Variants in SMC6 observed in about 807,000 individuals in gnomAD.
SMC6 encodes the protein structural maintenance of chromosomes protein 6.
Under a neutral mutation model 142.2 loss-of-function variants are expected in SMC6, and 79 were observed. The observed-to-expected ratio is 0.56, with a 90% CI of 0.46 to 0.67. SMC6 has a LOEUF of 0.67. Among genes scored for constraint, SMC6 ranks in the 30% least tolerant of loss-of-function variants. SMC6 has a pLI of 0.00. For synonymous variants in SMC6, 411 were observed against 412.4 expected (o/e 1.00, Z 0.04); for missense variants, 1,072 against 1,284.0 (o/e 0.83, Z 2.52).
chr2:17,687,131 G>A (rs1667491977), intron 23 of SMC6, among the ~76,000 whole-genome samples: 1 of 152,160 alleles, frequency 6.6e-6, no homozygotes, highest in South Asian at 2.1e-4. Context: ...ACCCTATAGA[G>A]AAGGTTTGAA....
intron 16 of SMC6, among the ~76,000 whole-genome samples, chr2:17,710,194 C>T (rs930700977): frequency 6.6e-6 from 1 of 152,168 alleles, no homozygotes; most frequent in African/African-American, 2.4e-5. Context: ...AGAGTCACCA[C>T]ACAAGTGGTC....
intron 20 of SMC6, among the ~76,000 whole-genome samples, chr2:17,700,771 C>T (rs994504553): frequency 1.3e-5 from 2 of 152,022 alleles, no homozygotes; most frequent in South Asian, 2.1e-4. Flanking sequence ...GTGGCTCATG[C>T]GTGTAATCCC....
intron 3 of SMC6, among the ~76,000 whole-genome samples, chr2:17,742,309 A>G (rs1261270258): frequency 1.3e-5 from 2 of 152,220 alleles, no homozygotes; most frequent in Non-Finnish European, 2.9e-5. Flanking sequence ...AGAGCAGAGT[A>G]CATGTTCTTA....
intron 23 of SMC6, among the ~76,000 whole-genome samples, chr2:17,687,085 C>A (rs1350189733): frequency 6.6e-6 from 1 of 152,150 alleles, no homozygotes; most frequent in Non-Finnish European, 1.5e-5. Context: ...AATACTCAAC[C>A]TGTACAATGT....
intron 16 of SMC6, among the ~76,000 whole-genome samples, chr2:17,710,247 G>C (rs1328010998): frequency 6.6e-6 from 1 of 152,166 alleles, no homozygotes. Flanking sequence ...TAGGATGTGG[G>C]GTAGCAGAAA....
In SMC6 at chr2:17,664,055, A is replaced by C. The variant is rs1666389269; in HGVS notation, c.*1444T>G. The C allele has an allele frequency of 6.6e-6, 1 of 152,350 alleles. No individual in the cohort carries two copies. Among genetic ancestry groups the C allele is most frequent in the East Asian group, 1.9e-4 (1 of 5,192 alleles). The allele number at this position is 152,350 out of a possible 1,614,324, so 9.4% of individuals were successfully genotyped here. On this transcript the variant is annotated 3_prime_UTR_variant, in exon 28 of 28. Coordinates refer to ENST00000448223, the MANE Select transcript of SMC6 (RefSeq NM_001142286.2). ...TTCTGTATGAAAGAGCACAACATTC[A>C]AAACTACAACAAAATTCAGACATGA...
At chr2:17,753,098 TA>T in intron 1 of SMC6, 34 bp from the exon 2 acceptor site, 1 of 828,034 alleles carries the variant, frequency 1.2e-6, no homozygotes, top group East Asian at 1.2e-4. Context: ...ATGCCATCAG[TA>T]AACCTTTGAA....
chr2:17,710,257 A>G (rs572391970), intron 16 of SMC6, among the ~76,000 whole-genome samples: 23 of 152,344 alleles, frequency 1.5e-4, no homozygotes, highest in African/African-American at 5.3e-4. Context: ...GGTAGCAGAA[A>G]GGAGTCAAGA....
chr2:17,710,272 C>A (rs1174843842), intron 16 of SMC6, among the ~76,000 whole-genome samples: 1 of 152,150 alleles, frequency 6.6e-6, no homozygotes, highest in East Asian at 1.9e-4. Flanking sequence ...TCAAGAATGA[C>A]TCTGCAATAG....
chr2:17,714,556 T>C (rs1382879009), intron 16 of SMC6, among the ~76,000 whole-genome samples: 1 of 152,220 alleles, frequency 6.6e-6, no homozygotes, highest in Non-Finnish European at 1.5e-5. Context: ...TGGGTGCCAA[T>C]GTTCTTCCTC....
At chr2:17,671,470 A>T (rs11896452) in intron 25 of SMC6, among the ~76,000 whole-genome samples, 12,961 of 151,474 alleles carry the variant, frequency 0.086, 589 homozygotes, top group Middle Eastern at 0.13. Flanking sequence ...CTAGCTGGCC[A>T]TGGTGGCATA....
rs577514107 is a variant in SMC6 at position 17,693,539 on chromosome 2, C to T, written c.2678+1613G>A. Among the ~76,000 whole-genome samples, 22 of 151,836 alleles carry T rather than the reference C, an allele frequency of 1.4e-4. No individual in the cohort carries two copies. The South Asian group carries it at 1.7e-3, about 12-fold the overall frequency. ...GAAGGGGAACATCACACACCGGGGC[C>T]GGCTGTGTGGTGGGGGGAGGGACAG... On this transcript the variant is annotated intron_variant, in intron 23 of 27. Coordinates refer to ENST00000448223, the MANE Select transcript of SMC6 (RefSeq NM_001142286.2).
Position 17,708,820 on chromosome 2 carries a change from T to TTG in SMC6, c.1731-69_1731-68dup, listed in dbSNP as rs201445483. On this transcript the variant is annotated intron_variant, in intron 16 of 27. Coordinates refer to ENST00000448223, the MANE Select transcript of SMC6 (RefSeq NM_001142286.2). ...AATTATAAATATATACATATGAAAA[T>TTG]TGTGTATATATATATAAGAGTATAT... The TTG allele has an allele frequency of 4.2e-5, 18 of 432,816 alleles. No homozygotes were observed. The African/African-American group carries it at 6.7e-4, about 16-fold the overall frequency. The allele number at this position is 432,816 out of a possible 1,614,324, so 26.8% of individuals were successfully genotyped here.
chr2:17,718,435 T>A (rs1309415961), intron 11 of SMC6, among the ~76,000 whole-genome samples: 1 of 152,194 alleles, frequency 6.6e-6, no homozygotes, highest in Non-Finnish European at 1.5e-5. Flanking sequence ...CCTCTTGGGA[T>A]ACAAAGACAT....
intron 23 of SMC6, among the ~76,000 whole-genome samples, chr2:17,685,433 C>T (rs1376421554): frequency 1.3e-5 from 2 of 152,070 alleles, no homozygotes; most frequent in Non-Finnish European, 2.9e-5. Flanking sequence ...TTAGGTGAAA[C>T]TATCCTTCAA....
In SMC6 at chr2:17,741,779, A is replaced by G. The variant is rs201564016; in HGVS notation, c.121-50T>C. ...AAATGGTCAATCTAATTCACTCATT[A>G]TAACCATTCAAGCATTGTTGGCATC... On this transcript the variant is annotated intron_variant, in intron 3 of 27. Transcript: ENST00000448223. 5.1e-5 allele frequency: 63 copies of G among 1,233,676 alleles called. No individual in the cohort carries two copies. The African/African-American group carries it at 7.4e-4, about 14-fold the overall frequency. 76.4% of individuals were successfully genotyped at this position (1,233,676 alleles called of 1,614,324 possible).
rs1667331592 is a variant in SMC6, at chr2:17,683,772, TA to T, written c.2679-10del. On this transcript the variant is annotated splice_polypyrimidine_tract_variant and intron_variant, in intron 23 of 27. Coordinates refer to ENST00000448223, the MANE Select transcript of SMC6 (RefSeq NM_001142286.2). ...TTGCTTCTTGGTACTGCCTATTATA[TA>T]AACAAAATATTACGTAAAAAATACA... 6.2e-7 allele frequency: 1 copy of T among 1,602,946 alleles called. No individual in the cohort carries two copies. The highest frequency in any genetic ancestry group is 8.5e-7 in the Non-Finnish European group (1 of 1,173,934).
chr2:17,690,617 A>G (rs1667658460), intron 23 of SMC6, among the ~76,000 whole-genome samples: 1 of 152,016 alleles, frequency 6.6e-6, no homozygotes, highest in Admixed American at 6.6e-5. Context: ...AAAAACCAAA[A>G]AAACAAAAAA....
chr2:17,686,911 T>C (rs1440591846), intron 23 of SMC6, among the ~76,000 whole-genome samples: 2 of 152,236 alleles, frequency 1.3e-5, no homozygotes, highest in Non-Finnish European at 2.9e-5. Context: ...AACAAAATTA[T>C]TTAAAAATTG....
Sources: gnomAD v4.1 joint callset for allele counts (sites outside exome capture counted in the v4.1 genomes callset) on GRCh38, gnomAD v4.1.1 for gene constraint, MANE v1.5 for transcripts, NCBI Gene and HGNC (gene_info 2026-07-23, HGNC 2026-07-21) for gene names.